Variants in ZFYVE16 observed in about 807,000 individuals in gnomAD.
ZFYVE16 encodes the protein zinc finger FYVE-type containing 16.
Under a neutral mutation model 138.1 loss-of-function variants are expected in ZFYVE16, and 89 were observed. The observed-to-expected ratio is 0.64, with a 90% CI of 0.54 to 0.77. The LOEUF (loss-of-function observed/expected upper bound fraction) is 0.77, where lower values mean the gene tolerates loss of function less well. Ranked by LOEUF, ZFYVE16 falls within the 30% of genes least tolerant of loss-of-function variation. ZFYVE16 has a pLI of 0.00. For missense variants in ZFYVE16, 1,793 were observed against 1,786.7 expected (o/e 1.00, Z -0.06); for synonymous variants, 596 against 618.3 (o/e 0.96, Z 0.53).
intron 4 of ZFYVE16, 67 bp downstream of exon 4, chr5:80,439,074 GA>G: frequency 7.0e-7 from 1 of 1,430,560 alleles, no homozygotes; most frequent in Non-Finnish European, 9.4e-7. Flanking sequence ...CAATGTGATA[GA>G]AAAGGCTGAT....
At chr5:80,452,795 G>A (rs1050526341) in intron 11 of ZFYVE16, among the ~76,000 whole-genome samples, 1 of 152,070 alleles carries the variant, frequency 6.6e-6, no homozygotes, top group Non-Finnish European at 1.5e-5. Context: ...TCTCTCAAAG[G>A]TGATAGAGCC....
chr5:80,417,420 GTTA>G (rs1297568227), intron 1 of ZFYVE16, among the ~76,000 whole-genome samples: 1 of 152,106 alleles, frequency 6.6e-6, no homozygotes, highest in African/African-American at 2.4e-5. Flanking sequence ...ATGCTTTGAA[GTTA>G]TATGGTTATT....
intron 1 of ZFYVE16, among the ~76,000 whole-genome samples, chr5:80,421,895 G>C (rs1388955972): frequency 2.6e-5 from 4 of 152,030 alleles, no homozygotes; most frequent in African/African-American, 7.2e-5. Flanking sequence ...GCAGTATGGC[G>C]ATTTTCATGA....
At chr5:80,445,989 G>A (rs752533865) in intron 7 of ZFYVE16, among the ~76,000 whole-genome samples, 52 of 150,570 alleles carry the variant, frequency 3.5e-4, no homozygotes, top group Non-Finnish European at 4.4e-4. Flanking sequence ...TCTGCCTCCC[G>A]GATTCAAGTG....
intron 1 of ZFYVE16, among the ~76,000 whole-genome samples, chr5:80,425,909 CTGTT>C (rs962593296): frequency 6.6e-6 from 1 of 152,186 alleles, no homozygotes; most frequent in African/African-American, 2.4e-5. Context: ...ATGGCCTAGT[CTGTT>C]TATTGCATTC....
intron 2 of ZFYVE16, among the ~76,000 whole-genome samples, chr5:80,432,519 G>A (rs1242406192): frequency 6.6e-6 from 1 of 152,150 alleles, no homozygotes; most frequent in Non-Finnish European, 1.5e-5. Flanking sequence ...TCAGGACATA[G>A]GCATGGGCAA....
At chr5:80,458,961 C>T (rs1169327402) in intron 14 of ZFYVE16, among the ~76,000 whole-genome samples, 3 of 152,242 alleles carry the variant, frequency 2.0e-5, no homozygotes, top group Middle Eastern at 3.4e-3. Context: ...GACAGAATCT[C>T]GCTCTGTCGC....
chr5:80,433,746 T>G (rs2112334245), intron 2 of ZFYVE16, among the ~76,000 whole-genome samples: 1 of 152,276 alleles, frequency 6.6e-6, no homozygotes, highest in South Asian at 2.1e-4. Context: ...GAAGTACCAC[T>G]TTTCCTGAAT....
rs762556228 is a variant in ZFYVE16 at position 80,438,250 on chromosome 5, C to T, written c.1565C>T (p.Ala522Val). ...GATTACTTTAATATTGATGAAGGCGCAAAAAGTGGCCCACTAATTAGTGAT... is the reference window on the plus strand; with the variant it reads ...GATTACTTTAATATTGATGAAGGCGTAAAAAGTGGCCCACTAATTAGTGAT... ...DLDYFNIDEG[A>V]KSGPLISDAE... Residue 522 changes from alanine (A) to valine (V), a missense_variant, in exon 4 of 19, where the codon GCA becomes GTA. Physicochemically the swap from Ala to Val is moderately conservative, Grantham distance 64. Coordinates refer to ENST00000505560, the MANE Select transcript of ZFYVE16 (RefSeq NM_001284236.3). The T allele has an allele frequency of 6.2e-7, 1 of 1,613,944 alleles. No homozygotes were observed. The highest frequency in any genetic ancestry group is 8.5e-7 in the Non-Finnish European group (1 of 1,179,934).
intron 15 of ZFYVE16, among the ~76,000 whole-genome samples, chr5:80,464,774 C>G (rs1447277756): frequency 6.6e-6 from 1 of 151,888 alleles, no homozygotes; most frequent in African/African-American, 2.4e-5. Context: ...TAGATATTTT[C>G]TAGTGTACCA....
chr5:80,451,956 C>T, intron 11 of ZFYVE16: 1 of 404,436 alleles, frequency 2.5e-6, no homozygotes, highest in Middle Eastern at 6.8e-4. Context: ...AATTTCAGAA[C>T]AAAACAGAAA....
intron 15 of ZFYVE16, among the ~76,000 whole-genome samples, chr5:80,467,405 G>A (rs1753855558): frequency 6.6e-6 from 1 of 152,224 alleles, no homozygotes; most frequent in African/African-American, 2.4e-5. Flanking sequence ...GGTGTCCACT[G>A]CCTGACTTGA....
At chr5:80,410,834 C>G (rs187711172) in intron 1 of ZFYVE16, among the ~76,000 whole-genome samples, 33 of 150,944 alleles carry the variant, frequency 2.2e-4, no homozygotes, top group African/African-American at 8.0e-4. Flanking sequence ...TCCCAAAGTG[C>G]TGGGATTGCA....
At chr5:80,415,437 T>C (rs1746062290) in intron 1 of ZFYVE16, among the ~76,000 whole-genome samples, 3 of 152,178 alleles carry the variant, frequency 2.0e-5, no homozygotes, top group East Asian at 1.9e-4. Flanking sequence ...CCACATTACA[T>C]TGAGTAGTCC....
At chr5:80,451,241 T>G (rs922241374) in intron 10 of ZFYVE16, among the ~76,000 whole-genome samples, 1 of 152,216 alleles carries the variant, frequency 6.6e-6, no homozygotes, top group African/African-American at 2.4e-5. Flanking sequence ...TTTTCAAATT[T>G]TTGTTCATAA....
chr5:80,419,344 T>G (rs769281318), intron 1 of ZFYVE16, among the ~76,000 whole-genome samples: 3 of 152,162 alleles, frequency 2.0e-5, no homozygotes, highest in Non-Finnish European at 4.4e-5. Context: ...TCCCAAGTGC[T>G]GGGATTATAG....
At chr5:80,427,610 C>CTTTTTTTTTTTT in intron 2 of ZFYVE16, 65 bp downstream of exon 2, 24 of 50,004 alleles carry the variant, frequency 4.8e-4, no homozygotes, top group South Asian at 2.1e-3. Flanking sequence ...CTGTCGTATG[C>CTTTTTTTTTTTT]TTTTTTTTTT....
chr5:80,447,560 T>C (rs1339554760), intron 7 of ZFYVE16, among the ~76,000 whole-genome samples: 6 of 152,210 alleles, frequency 3.9e-5, no homozygotes, highest in Non-Finnish European at 7.3e-5. Flanking sequence ...TGGGTAGTTT[T>C]TTCCAGGTGG....
chr5:80,476,382 G>A (rs367763936), intron 18 of ZFYVE16, among the ~76,000 whole-genome samples: 1 of 152,044 alleles, frequency 6.6e-6, no homozygotes, highest in East Asian at 1.9e-4. Flanking sequence ...GGTTGGTCTT[G>A]AACTCCTGGG....
Sources: allele counts gnomAD v4.1 joint callset (sites outside exome capture counted in the v4.1 genomes callset), GRCh38; gene constraint gnomAD v4.1.1; transcripts MANE v1.5; gene names NCBI Gene and HGNC (gene_info 2026-07-23, HGNC 2026-07-21).